Variants in NRDC observed in about 807,000 individuals in gnomAD.
NRDC encodes the protein nardilysin convertase, also known as nardilysin.
NRDC carries 54 observed loss-of-function variants against 147.1 expected under a neutral mutation model. The observed-to-expected ratio is 0.37, with a 90% CI of 0.29 to 0.46. The LOEUF (loss-of-function observed/expected upper bound fraction) is 0.46. Among genes scored for constraint, NRDC ranks in the 20% least tolerant of loss-of-function variants. The probability of loss-of-function intolerance (pLI) is 1.00; values close to 1 mark genes in which losing one functional copy is unlikely to be tolerated. For synonymous variants in NRDC, 440 were observed against 482.1 expected, an observed-to-expected ratio of 0.91 and a Z score of 1.14; for missense variants, 1,082 against 1,370.6, an observed-to-expected ratio of 0.79 and a Z score of 3.33.
intron 1 of NRDC, among the ~76,000 whole-genome samples, chr1:51,858,839 T>C (rs867960815): frequency 1.3e-5 from 2 of 152,158 alleles, no homozygotes; most frequent in Non-Finnish European, 2.9e-5. Flanking sequence ...GTAAAAGAAA[T>C]TTACATCTAT....
chr1:51,846,581 G>A (rs1557927560), intron 1 of NRDC, among the ~76,000 whole-genome samples: 1 of 152,240 alleles, frequency 6.6e-6, no homozygotes, highest in Non-Finnish European at 1.5e-5. Context: ...GATGTGTTCA[G>A]AGTTTCTTCC....
chr1:51,844,657 T>C (rs769605872), intron 1 of NRDC, among the ~76,000 whole-genome samples: 10 of 151,218 alleles, frequency 6.6e-5, no homozygotes, highest in Non-Finnish European at 1.0e-4. Flanking sequence ...TGAGGCAGAA[T>C]TGCTTGAACC....
chr1:51,804,061 A>G, intron 19 of NRDC, 97 bp from the exon 20 acceptor site: 1 of 1,070,712 alleles, frequency 9.3e-7, no homozygotes, highest in South Asian at 1.8e-5. Flanking sequence ...CATTTTTAGA[A>G]AGTATAAATT....
At chr1:51,852,517 T>TTAGTTTTAAACTATAGTTTATA (rs1682011044) in intron 1 of NRDC, among the ~76,000 whole-genome samples, 2 of 84,020 alleles carry the variant, frequency 2.4e-5, no homozygotes, top group African/African-American at 3.7e-5. Flanking sequence ...AAAACTATAT[T>TTAGTTTTAAACTATAGTTTATA]TATATAGTTT....
intron 14 of NRDC, 58 bp from the exon 15 acceptor site, chr1:51,812,156 C>T: frequency 8.6e-7 from 1 of 1,165,710 alleles, no homozygotes; most frequent in Non-Finnish European, 1.3e-6. Context: ...TTTGATTTAC[C>T]ACAACATACA....
At chr1:51,872,345 C>G (rs1683125363) in intron 1 of NRDC, among the ~76,000 whole-genome samples, 1 of 152,186 alleles carries the variant, frequency 6.6e-6, no homozygotes, top group Admixed American at 6.5e-5. Context: ...CATACACACA[C>G]ACACACAACT....
chr1:51,832,369 T>G (rs888132020), intron 4 of NRDC, among the ~76,000 whole-genome samples: 2 of 152,134 alleles, frequency 1.3e-5, no homozygotes, highest in Non-Finnish European at 2.9e-5. Context: ...AAATATTAGA[T>G]CTCTATCATG....
intron 13 of NRDC, 177 bp from the exon 14 acceptor site, chr1:51,814,266 A>C (rs1449863191): frequency 6.7e-6 from 4 of 595,372 alleles, no homozygotes; most frequent in Non-Finnish European, 1.2e-5. Flanking sequence ...CTACATAACA[A>C]ACCTGCACAT....
chr1:51,858,211 G>A (rs975715526), intron 1 of NRDC, among the ~76,000 whole-genome samples: 11 of 152,104 alleles, frequency 7.2e-5, no homozygotes, highest in African/African-American at 2.7e-4. Flanking sequence ...CAGGTGTGGT[G>A]GCTCATGCCT....
intron 24 of NRDC, among the ~76,000 whole-genome samples, chr1:51,793,757 G>A (rs974234697): frequency 8.5e-5 from 13 of 152,192 alleles, no homozygotes; most frequent in Admixed American, 7.9e-4. Flanking sequence ...TAACAGCAGC[G>A]GCTACAGGAG....
intron 1 of NRDC, among the ~76,000 whole-genome samples, chr1:51,847,117 G>A (rs552959057): frequency 5.9e-5 from 9 of 152,112 alleles, no homozygotes; most frequent in East Asian, 1.9e-4. Context: ...GTGCAGATTG[G>A]TGCATTTACA....
rs140250524 is a variant in NRDC at position 51,791,655 on chromosome 1, A to G, written c.2883T>C (p.His961=). The G allele has an allele frequency of 3.7e-6, 6 of 1,613,226 alleles. No homozygotes were observed. Among genetic ancestry groups the G allele is most frequent in the Admixed American group, 1.7e-5 (1 of 60,000 alleles). Residue 961 remains histidine (H), a synonymous_variant, in exon 27 of 31, where the codon CAT becomes CAC. Transcript: ENST00000352171. Reference sequence around the variant, plus strand: ...ATGTGTTCCTACAGGTAGGGTAGACATGGTACCTACAAGCCAGAGAGAAAA... The same window carrying G: ...ATGTGTTCCTACAGGTAGGGTAGACGTGGTACCTACAAGCCAGAGAGAAAA... ...FLRTKQTLGY[H]VYPTCRNTSG...
At chr1:51,818,867 A>C (rs1409048800) in intron 9 of NRDC, among the ~76,000 whole-genome samples, 1 of 152,260 alleles carries the variant, frequency 6.6e-6, no homozygotes, top group Non-Finnish European at 1.5e-5. Flanking sequence ...CAAATTGTTA[A>C]GTAAATTATA....
chr1:51,830,257 C>T, intron 4 of NRDC, among the ~76,000 whole-genome samples: 1 of 152,168 alleles, frequency 6.6e-6, no homozygotes, highest in Admixed American at 6.5e-5. Context: ...GCCACTGCGT[C>T]TGGCCTTTAT....
At chr1:51,789,738 G>A in intron 29 of NRDC, 81 bp from the exon 30 acceptor site, 1 of 964,772 alleles carries the variant, frequency 1.0e-6, no homozygotes, top group Non-Finnish European at 1.7e-6. Context: ...GATGTCCCTG[G>A]ACCTGCTTAG....
At chr1:51,852,052 C>T (rs140324069) in intron 1 of NRDC, among the ~76,000 whole-genome samples, 4 of 152,202 alleles carry the variant, frequency 2.6e-5, no homozygotes, top group Non-Finnish European at 5.9e-5. Flanking sequence ...TTTTGGTACA[C>T]GTTGTGTGTG....
intron 17 of NRDC, among the ~76,000 whole-genome samples, chr1:51,808,406 T>G (rs7551758): frequency 0.51 from 77,299 of 152,116 alleles, 21,118 homozygotes; most frequent in East Asian, 0.93. Context: ...CTTTTGTGTC[T>G]AGCTTCTTTC....
intron 5 of NRDC, among the ~76,000 whole-genome samples, chr1:51,827,530 C>A (rs1389548748): frequency 1.3e-5 from 2 of 152,156 alleles, no homozygotes; most frequent in Non-Finnish European, 2.9e-5. Context: ...AGTCTTCAAT[C>A]TTTGAATCTC....
intron 23 of NRDC, 35 bp from the exon 24 acceptor site, chr1:51,794,645 CA>C: frequency 1.2e-6 from 2 of 1,609,048 alleles, no homozygotes; most frequent in Non-Finnish European, 8.5e-7. Context: ...CTGAGGCACC[CA>C]AAAACTATAA....
Sources: gnomAD v4.1 joint callset for allele counts (sites outside exome capture counted in the v4.1 genomes callset) on GRCh38, gnomAD v4.1.1 for gene constraint, MANE v1.5 for transcripts, NCBI Gene and HGNC (gene_info 2026-07-23, HGNC 2026-07-21) for gene names.